The following TSPAN14 variants were observed in gnomAD, a reference collection of about 807,000 sequenced individuals.
TSPAN14 encodes tetraspanin 14, also known as tetraspanin-14.
Under a neutral mutation model 36.6 loss-of-function variants are expected in TSPAN14, and 16 were observed. The ratio of observed to expected loss-of-function variants is 0.44; its 90% CI spans 0.30 to 0.66. The LOEUF (loss-of-function observed/expected upper bound fraction) is 0.66. TSPAN14 is among the 30% of genes least tolerant of loss of function. The probability of loss-of-function intolerance (pLI) is 0.12; values close to 1 mark genes in which losing one functional copy is unlikely to be tolerated. For synonymous variants in TSPAN14, 139 were observed against 143.8 expected (o/e 0.97, Z 0.24); for missense variants, 231 against 355.1 (o/e 0.65, Z 2.81).
At chr10:80,458,118 C>T (rs60366349) in intron 1 of TSPAN14, among the ~76,000 whole-genome samples, 12,442 of 152,248 alleles carry the variant, frequency 0.082, 509 homozygotes, top group African/African-American at 0.11. Flanking sequence ...CCTGTAGGGG[C>T]AGCCACCTTT....
intron 1 of TSPAN14, among the ~76,000 whole-genome samples, chr10:80,471,942 C>T (rs1050286492): frequency 1.3e-5 from 2 of 152,066 alleles, no homozygotes; most frequent in East Asian, 1.9e-4. Context: ...TTTGGGAGCC[C>T]GAGGCAGTAG....
At position 80,509,982 on chromosome 10, in the gene TSPAN14, A is replaced by T. The variant is rs1369544762; in HGVS notation, c.450+511A>T. Reference sequence around the variant, plus strand: ...GCTTTGTCAGATCTAGTGGAATGTGACCTCCCTGGAATATGTGCCCAGGGG... The same window carrying T: ...GCTTTGTCAGATCTAGTGGAATGTGTCCTCCCTGGAATATGTGCCCAGGGG... On this transcript the variant is annotated intron_variant, in intron 5 of 8. Coordinates refer to ENST00000429989, the Ensembl canonical transcript of TSPAN14. This position sits in a 1 kb window ranked among gnomAD's most constrained non-coding sequence, Gnocchi z 4.7. The T allele has an allele frequency of 6.4e-6, 1 of 157,390 alleles. No homozygotes were observed. Among genetic ancestry groups the T allele is most frequent in the African/African-American group, 2.4e-5 (1 of 41,328 alleles). The allele number at this position is 157,390 out of a possible 1,614,324, so 9.7% of individuals were successfully genotyped here.
chr10:80,475,346 C>T (rs1589250072), intron 1 of TSPAN14, among the ~76,000 whole-genome samples: 1 of 152,164 alleles, frequency 6.6e-6, no homozygotes, highest in African/African-American at 2.4e-5. Flanking sequence ...GAGGGAGGAT[C>T]TCTTGAGCCA....
intron 2 of TSPAN14, among the ~76,000 whole-genome samples, chr10:80,502,332 G>A (rs945271234): frequency 2.0e-5 from 3 of 152,216 alleles, no homozygotes; most frequent in Non-Finnish European, 4.4e-5. Context: ...CTAGGTCTGC[G>A]TGGGAAGTCA....
chr10:80,455,113 C>T (rs1051411251), intron 1 of TSPAN14, among the ~76,000 whole-genome samples: 1 of 152,170 alleles, frequency 6.6e-6, no homozygotes, highest in Non-Finnish European at 1.5e-5. Flanking sequence ...TGCTGCTTCT[C>T]CTCCACCCCC....
intron 1 of TSPAN14, among the ~76,000 whole-genome samples, chr10:80,488,405 A>G (rs1011295363): frequency 2.6e-5 from 4 of 152,206 alleles, no homozygotes; most frequent in Admixed American, 6.5e-5. Flanking sequence ...AGACACAGAT[A>G]AAAAACAGTG....
At chr10:80,478,740 C>T (rs1451426186) in intron 1 of TSPAN14, among the ~76,000 whole-genome samples, 1 of 152,186 alleles carries the variant, frequency 6.6e-6, no homozygotes, top group Non-Finnish European at 1.5e-5. Flanking sequence ...CACAGCCAAA[C>T]TCATTCAAGA....
Position 80,520,679 on chromosome 10 carries a change from C to T in TSPAN14, c.*2703C>T, listed in dbSNP as rs550170386. On this transcript the variant is annotated 3_prime_UTR_variant, in exon 9 of 9. Transcript: ENST00000429989. ...TTCCTTTCCCATCCTAAAAACTTGC[C>T]GAGGCCCTATGGCTCCCTCCCTTTC... The T allele has an allele frequency of 1.4e-4, 73 of 533,448 alleles. 1 individual carries two copies. The highest frequency in any genetic ancestry group is 7.9e-4 in the Admixed American group (41 of 51,596). The allele number at this position is 533,448 out of a possible 1,614,324, so 33.0% of individuals were successfully genotyped here.
intron 1 of TSPAN14, among the ~76,000 whole-genome samples, chr10:80,456,190 G>A (rs1845727437): frequency 6.6e-6 from 1 of 152,172 alleles, no homozygotes; most frequent in Non-Finnish European, 1.5e-5. Context: ...TGGCATAGGT[G>A]CTCAGTAGTG....
Position 80,459,697 on chromosome 10 carries a change from A to C in TSPAN14, c.-18+5326A>C, listed in dbSNP as rs1231110895. ...TTGGGCCTGTGCTCCTGTACACTGCACGGCCTTGAGAGGAGTTCGGAGCCC... is the reference window on the plus strand; with the variant it reads ...TTGGGCCTGTGCTCCTGTACACTGCCCGGCCTTGAGAGGAGTTCGGAGCCC... On this transcript the variant is annotated intron_variant, in intron 1 of 8. Transcript: ENST00000429989. Among the ~76,000 whole-genome samples the C allele has an allele frequency of 3.3e-5, 5 of 152,312 alleles. No individual in the cohort carries two copies. The East Asian group carries it at 9.6e-4, about 29-fold the overall frequency.
chr10:80,471,532 T>A (rs938955567), intron 1 of TSPAN14, among the ~76,000 whole-genome samples: 7 of 152,224 alleles, frequency 4.6e-5, no homozygotes, highest in Non-Finnish European at 8.8e-5. Flanking sequence ...TATAAAAGGA[T>A]TCTGTGTATA....
At chr10:80,519,652 T>C (rs1165087020) in exon 9 of TSPAN14, 1 of 152,488 alleles carries the variant, frequency 6.6e-6, no homozygotes, top group African/African-American at 2.4e-5. Context: ...TCATTTTTGT[T>C]TGGGGTCACT....
At chr10:80,510,840 G>T (rs372068572) in intron 5 of TSPAN14, among the ~76,000 whole-genome samples, 1 of 152,122 alleles carries the variant, frequency 6.6e-6, no homozygotes, top group African/African-American at 2.4e-5. Flanking sequence ...CGCCACTGCA[G>T]TCCAGCCTGG....
At chr10:80,497,933 A>G (rs1198429911) in intron 2 of TSPAN14, among the ~76,000 whole-genome samples, 1 of 152,194 alleles carries the variant, frequency 6.6e-6, no homozygotes, top group Non-Finnish European at 1.5e-5. Context: ...ACCCCATGCA[A>G]GGCACCTCCT....
chr10:80,515,033 A>G (rs1188828700), intron 7 of TSPAN14, among the ~76,000 whole-genome samples: 1 of 152,186 alleles, frequency 6.6e-6, no homozygotes, highest in Non-Finnish European at 1.5e-5. Context: ...GACTGTGAGA[A>G]ATAAATTTCT....
chr10:80,495,951 A>T (rs1036643532), intron 2 of TSPAN14, among the ~76,000 whole-genome samples: 2 of 152,004 alleles, frequency 1.3e-5, no homozygotes, highest in African/African-American at 4.8e-5. Flanking sequence ...TCCCTGGGTG[A>T]TGGTTGTTCT....
intron 2 of TSPAN14, among the ~76,000 whole-genome samples, chr10:80,500,181 C>CA (rs1433495027): frequency 6.6e-6 from 1 of 152,140 alleles, no homozygotes; most frequent in Admixed American, 6.5e-5. Context: ...TGTTGGTACT[C>CA]AGAGTTCCTG....
chr10:80,478,909 C>T (rs1847077655), intron 1 of TSPAN14, among the ~76,000 whole-genome samples: 1 of 152,156 alleles, frequency 6.6e-6, no homozygotes, highest in South Asian at 2.1e-4. Flanking sequence ...GTCCCACCAA[C>T]AGTGTAAAAG....
At chr10:80,476,409 G>GTTTTTTTTTT (rs60589813) in intron 1 of TSPAN14, among the ~76,000 whole-genome samples, 2 of 85,042 alleles carry the variant, frequency 2.4e-5, no homozygotes, top group Non-Finnish European at 4.5e-5. Context: ...TTGTTTTACT[G>GTTTTTTTTTT]TTTTTTTTTT....
Sources: allele counts gnomAD v4.1 joint callset (sites outside exome capture counted in the v4.1 genomes callset), GRCh38; gene constraint gnomAD v4.1.1; non-coding constraint Gnocchi (gnomAD v3.1); transcripts MANE v1.5; gene names NCBI Gene and HGNC (gene_info 2026-07-23, HGNC 2026-07-21).